CAB39L: variants seen among roughly 807,000 people sequenced by gnomAD.
The protein encoded by CAB39L is calcium-binding protein 39-like.
CAB39L carries 23 observed loss-of-function variants against 39.1 expected under a neutral mutation model. The ratio of observed to expected loss-of-function variants is 0.59; its 90% CI spans 0.42 to 0.83. The LOEUF is 0.83. Ranked by LOEUF, CAB39L falls within the 40% of genes least tolerant of loss-of-function variation. The probability of loss-of-function intolerance (pLI) is 0.00; values close to 1 mark genes in which losing one functional copy is unlikely to be tolerated. For synonymous variants in CAB39L, 126 were observed against 137.2 expected, an observed-to-expected ratio of 0.92 and a Z score of 0.57; for missense variants, 366 against 391.9, an observed-to-expected ratio of 0.93 and a Z score of 0.56.
chr13:49,429,934 G>C (rs1412191802), intron 3 of CAB39L, among the ~76,000 whole-genome samples: 1 of 151,680 alleles, frequency 6.6e-6, no homozygotes, highest in African/African-American at 2.4e-5. Context: ...TTTGTTATTT[G>C]GTTCAAATAT....
intron 3 of CAB39L, among the ~76,000 whole-genome samples, chr13:49,429,545 T>C (rs1479793668): frequency 2.0e-5 from 3 of 152,200 alleles, no homozygotes; most frequent in Admixed American, 2.0e-4. Flanking sequence ...GTTTATTTTA[T>C]TAGGAAAAAA....
intron 10 of CAB39L, among the ~76,000 whole-genome samples, chr13:49,327,389 T>C (rs1954537517): frequency 1.3e-5 from 2 of 152,024 alleles, no homozygotes; most frequent in Non-Finnish European, 2.9e-5. Context: ...CTGCAACCTC[T>C]GCTTCCCAGG....
intron 10 of CAB39L, among the ~76,000 whole-genome samples, chr13:49,315,035 T>C (rs1382629468): frequency 5.9e-5 from 9 of 152,224 alleles, no homozygotes. Context: ...TGTGACATTT[T>C]ACCAGGTGAG....
chr13:49,363,872 T>G (rs998128634), intron 5 of CAB39L, among the ~76,000 whole-genome samples: 3 of 132,768 alleles, frequency 2.3e-5, no homozygotes, highest in African/African-American at 8.1e-5. Context: ...AATGGCTGAA[T>G]GGATGAAAAA....
intron 10 of CAB39L, among the ~76,000 whole-genome samples, chr13:49,317,545 A>G (rs1449107920): frequency 6.6e-6 from 1 of 152,164 alleles, no homozygotes; most frequent in Non-Finnish European, 1.5e-5. Flanking sequence ...ACAAACAAAC[A>G]AACAAAAAAC....
intron 8 of CAB39L, among the ~76,000 whole-genome samples, chr13:49,343,017 G>C (rs1317102200): frequency 1.3e-5 from 2 of 152,102 alleles, no homozygotes; most frequent in Non-Finnish European, 2.9e-5. Flanking sequence ...AAAATTTTAA[G>C]TTACATAGTG....
At chr13:49,369,262 T>C (rs1955849732) in intron 5 of CAB39L, among the ~76,000 whole-genome samples, 1 of 152,218 alleles carries the variant, frequency 6.6e-6, no homozygotes, top group Non-Finnish European at 1.5e-5. Flanking sequence ...TATACATAAA[T>C]GGTTAACGGC....
intron 10 of CAB39L, among the ~76,000 whole-genome samples, chr13:49,319,749 G>A (rs1448873093): frequency 6.6e-6 from 1 of 151,428 alleles, no homozygotes; most frequent in Non-Finnish European, 1.5e-5. Context: ...GTTTACAAGG[G>A]AGTTGCTGTG....
chr13:49,382,092 T>C (rs1956263082), intron 4 of CAB39L, among the ~76,000 whole-genome samples: 1 of 152,194 alleles, frequency 6.6e-6, no homozygotes, highest in African/African-American at 2.4e-5. Flanking sequence ...TAGTTGGCCT[T>C]TTCCTAGTTA....
intron 3 of CAB39L, among the ~76,000 whole-genome samples, chr13:49,396,923 T>G (rs1956648651): frequency 2.0e-5 from 3 of 152,198 alleles, no homozygotes; most frequent in African/African-American, 7.2e-5. Context: ...TGGGTGCATT[T>G]GATTATATGA....
chr13:49,315,339 G>A (rs1954125777), intron 10 of CAB39L, among the ~76,000 whole-genome samples: 1 of 152,128 alleles, frequency 6.6e-6, no homozygotes, highest in South Asian at 2.1e-4. Context: ...TAACAGAGAA[G>A]GAAAAGGGTT....
intron 3 of CAB39L, among the ~76,000 whole-genome samples, chr13:49,385,040 T>G (rs958720289): frequency 9.9e-5 from 15 of 152,214 alleles, no homozygotes; most frequent in African/African-American, 3.6e-4. Flanking sequence ...AGGCACTGAC[T>G]CCTCCTTTCT....
intron 6 of CAB39L, among the ~76,000 whole-genome samples, chr13:49,355,125 C>T (rs1172612292): frequency 1.3e-5 from 2 of 151,486 alleles, no homozygotes; most frequent in East Asian, 1.9e-4. Flanking sequence ...CATATAATCC[C>T]AGCACTTTGG....
intron 3 of CAB39L, among the ~76,000 whole-genome samples, chr13:49,384,728 A>C (rs1956321697): frequency 6.6e-6 from 1 of 152,220 alleles, no homozygotes; most frequent in Non-Finnish European, 1.5e-5. Flanking sequence ...TGAAAACAAC[A>C]TTAACCTCCT....
intron 1 of CAB39L, among the ~76,000 whole-genome samples, chr13:49,440,123 G>C (rs1957486268): frequency 6.6e-6 from 1 of 151,910 alleles, no homozygotes; most frequent in Non-Finnish European, 1.5e-5. Flanking sequence ...TGTTGCAATT[G>C]CTTTTGAAGA....
Position 49,310,796 on chromosome 13 carries a change from CA to C in CAB39L, c.*17del. 6.2e-7 allele frequency: 1 copy of C among 1,610,216 alleles called. No homozygotes were observed. Among genetic ancestry groups the C allele is most frequent in the African/African-American group, 1.3e-5 (1 of 74,764 alleles). On this transcript the variant is annotated 3_prime_UTR_variant, in exon 11 of 11. Transcript: ENST00000409308. The stretch of plus-strand genomic sequence containing the variant: ...GGACAAATGAGACGACTGACTGTGA[CA>C]GGGGCCGGGGAGCTCTTCAAGGGGC...
rs1418090827 is a variant in CAB39L, at chr13:49,377,084, C to T, written c.159G>A (p.Leu53=). The part of the protein sequence containing the change: ...SKSLQAMKEI[L]CGTNEKEPPT... ...GGGGTTCTTTCTCGTTTGTACCACA[C>T]AGAATTTCTTTCATTGCTTGCAGTG... Residue 53 remains leucine (L), a synonymous_variant, in exon 5 of 11, where the codon CTG becomes CTA. Coordinates refer to ENST00000409308, the MANE Select transcript of CAB39L (RefSeq NM_001079670.3). 1 of 1,613,640 alleles carries T rather than the reference C, an allele frequency of 6.2e-7. No individual in the cohort carries two copies. The highest frequency in any genetic ancestry group is 1.1e-5 in the South Asian group (1 of 91,036).
At chr13:49,434,727 A>T (rs1234154038) in intron 1 of CAB39L, among the ~76,000 whole-genome samples, 1 of 152,114 alleles carries the variant, frequency 6.6e-6, no homozygotes, top group Non-Finnish European at 1.5e-5. Context: ...AAATAAAAAC[A>T]TTTTGCAACA....
intron 3 of CAB39L, among the ~76,000 whole-genome samples, chr13:49,405,270 TA>T (rs936098713): frequency 2.6e-4 from 40 of 151,118 alleles, no homozygotes; most frequent in Non-Finnish European, 4.6e-4. Flanking sequence ...GAAAGAGCAG[TA>T]AGACATATTT....
Sources: allele counts gnomAD v4.1 joint callset (sites outside exome capture counted in the v4.1 genomes callset), GRCh38; gene constraint gnomAD v4.1.1; transcripts MANE v1.5; gene names NCBI Gene and HGNC (gene_info 2026-07-23, HGNC 2026-07-21).